The following CABCOCO1 variants were observed in gnomAD, a reference collection of about 807,000 sequenced individuals.
CABCOCO1 encodes the protein ciliary-associated calcium-binding coiled-coil protein 1.
A neutral mutation model predicts 35.7 loss-of-function variants in CABCOCO1; 28 were observed. That is an observed-to-expected ratio of 0.78 (90% CI 0.58 to 1.07). CABCOCO1 has a LOEUF of 1.07. CABCOCO1 is among the 50% of genes least tolerant of loss of function. The probability of loss-of-function intolerance (pLI) is 0.00; values close to 1 mark genes in which losing one functional copy is unlikely to be tolerated. For missense variants in CABCOCO1, 326 were observed against 309.2 expected (o/e 1.05, Z -0.41); for synonymous variants, 95 against 100.1 (o/e 0.95, Z 0.30).
chr10:61,759,241 C>A (rs750354154), intron 5 of CABCOCO1, among the ~76,000 whole-genome samples: 1 of 151,992 alleles, frequency 6.6e-6, no homozygotes, highest in African/African-American at 2.4e-5. Flanking sequence ...GTGGGCACGT[C>A]TCTACAGATC....
chr10:61,690,730 G>GTGTT (rs1438000148), intron 5 of CABCOCO1, 109 bp downstream of exon 5: 1 of 619,136 alleles, frequency 1.6e-6, no homozygotes, highest in African/African-American at 1.9e-5. Flanking sequence ...GATTATTCAA[G>GTGTT]TGTTAATATA....
intron 5 of CABCOCO1, among the ~76,000 whole-genome samples, chr10:61,745,998 C>T (rs990101506): frequency 6.6e-6 from 1 of 152,166 alleles, no homozygotes; most frequent in African/African-American, 2.4e-5. Context: ...ACACCAATTA[C>T]CATGTTTGTC....
chr10:61,667,011 ATAG>A (rs1488032722), intron 1 of CABCOCO1, among the ~76,000 whole-genome samples: 2 of 124,444 alleles, frequency 1.6e-5, no homozygotes, highest in Admixed American at 8.1e-5. Context: ...TAAATTTCAT[ATAG>A]TATATATAAA....
intron 5 of CABCOCO1, among the ~76,000 whole-genome samples, chr10:61,718,497 C>T (rs1394312482): frequency 6.6e-6 from 1 of 152,032 alleles, no homozygotes; most frequent in Non-Finnish European, 1.5e-5. Context: ...TTTGCATATG[C>T]ATAATTTTCC....
chr10:61,706,085 C>A (rs1840585976), intron 5 of CABCOCO1, among the ~76,000 whole-genome samples: 1 of 152,168 alleles, frequency 6.6e-6, no homozygotes, highest in Admixed American at 6.6e-5. Flanking sequence ...AACATGCACT[C>A]TAAAAGAATA....
At chr10:61,668,155 C>T (rs1839247359) in intron 1 of CABCOCO1, among the ~76,000 whole-genome samples, 2 of 151,800 alleles carry the variant, frequency 1.3e-5, no homozygotes, top group Non-Finnish European at 2.9e-5. Flanking sequence ...ATTAGACCTG[C>T]TAATGATGAT....
chr10:61,686,157 A>C lies in CABCOCO1; in HGVS notation c.451A>C (p.Asn151His), dbSNP rs768774071. 29 of 1,584,314 alleles carry C rather than the reference A, an allele frequency of 1.8e-5. No homozygotes were observed. Among genetic ancestry groups the C allele is most frequent in the Non-Finnish European group, 2.4e-5 (28 of 1,171,628 alleles). Reference sequence around the variant, plus strand: ...GAATATCTTTGATGTAAAACAAGCCAATGCTATCATTGATTACTTAAAAAT... The same window carrying C: ...GAATATCTTTGATGTAAAACAAGCCCATGCTATCATTGATTACTTAAAAAT... ...DWNIFDVKQA[N>H]AIIDYLKISL... Residue 151 changes from asparagine (N) to histidine (H), a missense_variant, in exon 4 of 8, where the codon AAT (asparagine) becomes CAT (histidine). Asn to His is a moderately conservative substitution (Grantham distance 68, BLOSUM62 1). Coordinates refer to ENST00000648843, the MANE Select transcript of CABCOCO1 (RefSeq NM_001366906.2).
At chr10:61,666,628 A>T (rs911137259) in intron 1 of CABCOCO1, among the ~76,000 whole-genome samples, 4 of 152,114 alleles carry the variant, frequency 2.6e-5, no homozygotes, top group Non-Finnish European at 4.4e-5. Flanking sequence ...TGGCACAAAT[A>T]GTCTTCAAAA....
In CABCOCO1 at chr10:61,663,039, C is replaced by T. The variant is rs753742243; in HGVS notation, c.60+7C>T. The T allele has an allele frequency of 1.6e-5, 4 of 249,600 alleles. No individual in the cohort carries two copies. Among genetic ancestry groups the T allele is most frequent in the Non-Finnish European group, 3.6e-5 (4 of 110,838 alleles). 15.5% of individuals were successfully genotyped at this position (249,600 alleles called of 1,614,324 possible). A position where few individuals can be genotyped will look rare whatever the true frequency, so the allele number is the denominator to read the frequency against. On this transcript the variant is annotated splice_region_variant and intron_variant, in intron 1 of 7. Coordinates refer to ENST00000648843, the MANE Select transcript of CABCOCO1 (RefSeq NM_001366906.2). The stretch of plus-strand genomic sequence containing the variant: ...AACCACGCCCGAATCGGAGGTACAC[C>T]GCCCCTTTCCCTTCCCGGTACCGGT...
intron 1 of CABCOCO1, among the ~76,000 whole-genome samples, chr10:61,668,267 A>G (rs1371562394): frequency 6.6e-6 from 1 of 151,992 alleles, no homozygotes; most frequent in Non-Finnish European, 1.5e-5. Context: ...TATTTTAATT[A>G]TAATTTTTAC....
At chr10:61,718,405 C>A (rs1217819984) in intron 5 of CABCOCO1, among the ~76,000 whole-genome samples, 1 of 152,068 alleles carries the variant, frequency 6.6e-6, no homozygotes, top group African/African-American at 2.4e-5. Context: ...GGAAAATGCT[C>A]AATCAACTAA....
chr10:61,663,063 G>C, intron 1 of CABCOCO1, 31 bp downstream of exon 1: 1 of 239,044 alleles, frequency 4.2e-6, no homozygotes, highest in Non-Finnish European at 9.6e-6. Flanking sequence ...CCCGGTACCG[G>C]TGCCGGTACC....
intron 7 of CABCOCO1, among the ~76,000 whole-genome samples, chr10:61,763,737 A>G (rs2053641): frequency 0.93 from 140,000 of 151,346 alleles, 64,784 homozygotes; most frequent in Middle Eastern, 0.96. Context: ...CTGAGCATGA[A>G]ATCATCTCAA....
chr10:61,686,364 CCTAATAA>C (rs1201263363), intron 4 of CABCOCO1, among the ~76,000 whole-genome samples, 179 bp downstream of exon 4: 6 of 152,018 alleles, frequency 3.9e-5, no homozygotes, highest in Admixed American at 3.3e-4. Flanking sequence ...AAATCTTTCA[CCTAATAA>C]CTAAAAGTCA....
chr10:61,672,773 A>C, intron 2 of CABCOCO1, 38 bp downstream of exon 2: 1 of 972,684 alleles, frequency 1.0e-6, no homozygotes. Context: ...GTAGAAGAAC[A>C]GTTCGAGTTC....
intron 2 of CABCOCO1, among the ~76,000 whole-genome samples, chr10:61,677,601 T>C (rs1479162255): frequency 6.6e-6 from 1 of 152,032 alleles, no homozygotes; most frequent in Non-Finnish European, 1.5e-5. Context: ...ACGTGCAGGA[T>C]TGTTACATAT....
chr10:61,705,019 C>T (rs981343602), intron 5 of CABCOCO1, among the ~76,000 whole-genome samples: 1 of 152,200 alleles, frequency 6.6e-6, no homozygotes, highest in East Asian at 1.9e-4. Flanking sequence ...TATAAGCAAA[C>T]TTCAAATTCT....
At chr10:61,728,519 T>C (rs1015825060) in intron 5 of CABCOCO1, among the ~76,000 whole-genome samples, 1 of 152,232 alleles carries the variant, frequency 6.6e-6, no homozygotes, top group Non-Finnish European at 1.5e-5. Context: ...TAATAATTTG[T>C]ATTATCTCTT....
At chr10:61,726,553 A>G (rs1363998996) in intron 5 of CABCOCO1, among the ~76,000 whole-genome samples, 8 of 151,950 alleles carry the variant, frequency 5.3e-5, no homozygotes, top group Non-Finnish European at 1.0e-4. Context: ...TACTACTTGT[A>G]TTGCTTGAAC....
Sources: allele counts gnomAD v4.1 joint callset (sites outside exome capture counted in the v4.1 genomes callset), GRCh38; gene constraint gnomAD v4.1.1; transcripts MANE v1.5; gene names NCBI Gene and HGNC (gene_info 2026-07-23, HGNC 2026-07-21).